PARD3: variants seen among roughly 807,000 people sequenced by gnomAD.
PARD3 encodes partitioning defective 3 homolog.
Under a neutral mutation model 155.4 loss-of-function variants are expected in PARD3, and 75 were observed. The ratio of observed to expected loss-of-function variants is 0.48; its 90% CI spans 0.40 to 0.58. The LOEUF is 0.58. Among genes scored for constraint, PARD3 ranks in the 20% least tolerant of loss-of-function variants. The probability of loss-of-function intolerance (pLI) is 0.00; values close to 1 mark genes in which losing one functional copy is unlikely to be tolerated. For missense variants in PARD3, 1,642 were observed against 1,721.7 expected (o/e 0.95, Z 0.82); for synonymous variants, 576 against 610.5 (o/e 0.94, Z 0.83).
chr10:34,578,709 C>T (rs970819573), intron 2 of PARD3, among the ~76,000 whole-genome samples: 1 of 152,142 alleles, frequency 6.6e-6, no homozygotes, highest in Non-Finnish European at 1.5e-5. Context: ...GCCACTGAGC[C>T]CTTACCAAGC....
At chr10:34,482,843 T>C (rs1280327045) in intron 3 of PARD3, among the ~76,000 whole-genome samples, 1 of 151,484 alleles carries the variant, frequency 6.6e-6, no homozygotes, top group Admixed American at 6.6e-5. Flanking sequence ...GTGAGCTATT[T>C]TCCTTAAAAT....
chr10:34,725,758 G>GA (rs1289471743), intron 1 of PARD3, among the ~76,000 whole-genome samples: 3 of 152,160 alleles, frequency 2.0e-5, no homozygotes, highest in Non-Finnish European at 4.4e-5. Flanking sequence ...AAACTCAGAT[G>GA]ACACAATGTC....
chr10:34,129,434 C>G (rs1358587028), intron 23 of PARD3, among the ~76,000 whole-genome samples: 1 of 152,124 alleles, frequency 6.6e-6, no homozygotes, highest in African/African-American at 2.4e-5. Context: ...ATTACAGGCA[C>G]AAGCCATTGT....
intron 22 of PARD3, among the ~76,000 whole-genome samples, chr10:34,239,975 G>GCT (rs1953477811): frequency 1.3e-5 from 2 of 152,274 alleles, no homozygotes; most frequent in South Asian, 4.1e-4. Flanking sequence ...GTTGTTACAA[G>GCT]ATAGTAGGAA....
chr10:34,322,036 C>A (rs1392675703), intron 19 of PARD3, among the ~76,000 whole-genome samples: 1 of 152,076 alleles, frequency 6.6e-6, no homozygotes, highest in Admixed American at 6.6e-5. Flanking sequence ...ATCCATTTCT[C>A]CCTTTATTCT....
chr10:34,459,645 A>G (rs1052729020), intron 4 of PARD3, among the ~76,000 whole-genome samples: 2 of 152,202 alleles, frequency 1.3e-5, no homozygotes, highest in African/African-American at 4.8e-5. Context: ...TAATTCCAAA[A>G]TACCTACAGT....
rs555751048 is a variant in PARD3 at position 34,468,396 on chromosome 10, A to G, written c.582+1689T>C. Among the ~76,000 whole-genome samples, 151 of 152,370 alleles carry G rather than the reference A, an allele frequency of 9.9e-4. 1 individual carries two copies. The highest frequency in any genetic ancestry group is 3.5e-3 in the African/African-American group (145 of 41,588). On this transcript the variant is annotated intron_variant, in intron 4 of 24. Coordinates refer to ENST00000374788, the MANE Select transcript of PARD3 (RefSeq NM_001184785.2). The stretch of plus-strand genomic sequence containing the variant: ...TTGAAAAGAAACTTCCGTATGTTTC[A>G]AACAGTTGAAAACCAAGTTAAAAAA...
chr10:34,550,951 G>C (rs1370279608), intron 2 of PARD3, among the ~76,000 whole-genome samples: 3 of 152,112 alleles, frequency 2.0e-5, no homozygotes, highest in Non-Finnish European at 4.4e-5. Context: ...GCACGAGCAA[G>C]AACTCCACTT....
At chr10:34,530,077 A>T (rs1049339138) in intron 2 of PARD3, among the ~76,000 whole-genome samples, 2 of 152,128 alleles carry the variant, frequency 1.3e-5, no homozygotes, top group African/African-American at 4.8e-5. Context: ...GGACCATCAT[A>T]AAGGTCTTCA....
At chr10:34,738,379 A>G (rs1182306827) in intron 1 of PARD3, among the ~76,000 whole-genome samples, 2 of 152,166 alleles carry the variant, frequency 1.3e-5, no homozygotes, top group African/African-American at 4.8e-5. Flanking sequence ...GTCTCACTAT[A>G]TTGCCCAGGC....
At chr10:34,520,919 T>G (rs959209800) in intron 2 of PARD3, among the ~76,000 whole-genome samples, 1 of 152,240 alleles carries the variant, frequency 6.6e-6, no homozygotes, top group Non-Finnish European at 1.5e-5. Flanking sequence ...TACTTGATTT[T>G]AATATCATCA....
intron 22 of PARD3, among the ~76,000 whole-genome samples, chr10:34,223,092 G>A (rs1397472050): frequency 2.0e-5 from 3 of 152,170 alleles, no homozygotes; most frequent in African/African-American, 4.8e-5. Flanking sequence ...TCTGAGAGAT[G>A]AAGCTGGACG....
intron 1 of PARD3, among the ~76,000 whole-genome samples, chr10:34,767,785 C>T (rs1838293928): frequency 6.6e-6 from 1 of 151,558 alleles, no homozygotes; most frequent in Non-Finnish European, 1.5e-5. Flanking sequence ...ATTTTTAGTA[C>T]AGACGGTAAA....
intron 1 of PARD3, among the ~76,000 whole-genome samples, chr10:34,792,968 T>C (rs1841848171): frequency 6.6e-6 from 1 of 152,240 alleles, no homozygotes; most frequent in African/African-American, 2.4e-5. Context: ...CAACATAATC[T>C]ACTTTTGCAT....
intron 3 of PARD3, among the ~76,000 whole-genome samples, chr10:34,489,318 A>G (rs2079715834): frequency 6.6e-6 from 1 of 152,224 alleles, no homozygotes; most frequent in Admixed American, 6.5e-5. Context: ...AGGACAGGAC[A>G]AAGCATACAC....
chr10:34,474,319 G>A (rs1349111145), intron 3 of PARD3, among the ~76,000 whole-genome samples: 2 of 152,138 alleles, frequency 1.3e-5, no homozygotes, highest in African/African-American at 2.4e-5. Flanking sequence ...AATAGACCCC[G>A]GGGCAGGTAT....
chr10:34,267,895 C>T (rs1955404996), intron 22 of PARD3, among the ~76,000 whole-genome samples: 1 of 152,066 alleles, frequency 6.6e-6, no homozygotes, highest in African/African-American at 2.4e-5. Context: ...TTTTAAGAAG[C>T]CCTCCAGGAG....
At chr10:34,763,372 C>T (rs1277281263) in intron 1 of PARD3, among the ~76,000 whole-genome samples, 2 of 152,324 alleles carry the variant, frequency 1.3e-5, no homozygotes, top group East Asian at 3.9e-4. Flanking sequence ...GAGCTGAGGG[C>T]TGCAGCAAGG....
At chr10:34,457,544 C>A (rs1306726306) in intron 4 of PARD3, among the ~76,000 whole-genome samples, 1 of 152,186 alleles carries the variant, frequency 6.6e-6, no homozygotes, top group Admixed American at 6.5e-5. Flanking sequence ...ATGAGGATGA[C>A]AACCCATTCT....
Sources: allele counts gnomAD v4.1 joint callset (sites outside exome capture counted in the v4.1 genomes callset), GRCh38; gene constraint gnomAD v4.1.1; transcripts MANE v1.5; gene names NCBI Gene and HGNC (gene_info 2026-07-23, HGNC 2026-07-21).